The following ATP9B variants were observed in gnomAD, a reference collection of about 807,000 sequenced individuals.
ATP9B encodes the protein probable phospholipid-transporting ATPase IIB.
ATP9B carries 110 observed loss-of-function variants against 146.1 expected under a neutral mutation model. The ratio of observed to expected loss-of-function variants is 0.75; its 90% confidence interval spans 0.65 to 0.88. ATP9B has a LOEUF of 0.88. Ranked by LOEUF, ATP9B falls within the 40% of genes least tolerant of loss-of-function variation. The pLI, the probability that ATP9B is intolerant of heterozygous loss-of-function variation, is 0.00. For synonymous variants in ATP9B, 604 were observed against 569.7 expected (o/e 1.06, Z -0.86); for missense variants, 1,499 against 1,496.4 (o/e 1.00, Z -0.03).
At chr18:79,348,255 A>AGG (rs1568782050) in intron 25 of ATP9B, 59 bp downstream of exon 25, 5 of 1,011,186 alleles carry the variant, frequency 4.9e-6, no homozygotes, top group African/African-American at 3.4e-5. Flanking sequence ...TTTGAAAAAA[A>AGG]AAAAAAAAAA....
intron 12 of ATP9B, among the ~76,000 whole-genome samples, chr18:79,260,633 G>A (rs565994596): frequency 6.6e-6 from 1 of 152,338 alleles, no homozygotes; most frequent in Non-Finnish European, 1.5e-5. Context: ...AAGGAACAGA[G>A]ACAGGATGAG....
intron 15 of ATP9B, among the ~76,000 whole-genome samples, chr18:79,312,810 C>T (rs914480258): frequency 6.6e-6 from 1 of 152,182 alleles, no homozygotes; most frequent in Non-Finnish European, 1.5e-5. Context: ...CTTTTTGGTA[C>T]AATGTGAAAT....
intron 5 of ATP9B, among the ~76,000 whole-genome samples, chr18:79,128,440 G>A (rs1242981415): frequency 6.6e-6 from 1 of 152,138 alleles, no homozygotes; most frequent in Non-Finnish European, 1.5e-5. Flanking sequence ...ATGAATATCA[G>A]GTTGTCCTAG....
chr18:79,326,956 G>A (rs1175281180), intron 15 of ATP9B, among the ~76,000 whole-genome samples: 5 of 152,140 alleles, frequency 3.3e-5, no homozygotes, highest in Admixed American at 6.5e-5. Context: ...GCCTCGGCAC[G>A]GCCATTCTGT....
rs1373600086 is a variant in ATP9B at position 79,329,258 on chromosome 18, T to C, written c.1891T>C (p.Phe631Leu). ...QVLSFCILQL[F>L]PFTSESKRMG... is the part of the protein sequence containing the mutation. ...CCTCAGCTTCTGCATTCTGCAGCTG[T>C]TTCCCTTCACCTCCGAGAGCAAGCG... Residue 631 changes from phenylalanine to leucine, a missense_variant, in exon 16 of 30, where the codon TTT becomes CTT. Coordinates refer to ENST00000426216, the MANE Select transcript of ATP9B (RefSeq NM_198531.5). 1.2e-6 allele frequency: 2 copies of C among 1,612,192 alleles called. No homozygotes were observed. The highest frequency in any genetic ancestry group is 1.7e-6 in the Non-Finnish European group (2 of 1,179,340).
At chr18:79,165,721 A>C (rs1011474211) in intron 7 of ATP9B, among the ~76,000 whole-genome samples, 1 of 152,072 alleles carries the variant, frequency 6.6e-6, no homozygotes, top group Non-Finnish European at 1.5e-5. Context: ...CCATGCAGCC[A>C]AAAAGTCAGG....
At chr18:79,338,708 G>A (rs2096840784) in intron 19 of ATP9B, among the ~76,000 whole-genome samples, 1 of 152,174 alleles carries the variant, frequency 6.6e-6, no homozygotes, top group Non-Finnish European at 1.5e-5. Context: ...GGCACTTATG[G>A]TGTAAGTTTT....
intron 15 of ATP9B, among the ~76,000 whole-genome samples, chr18:79,312,105 C>T (rs2096655792): frequency 1.3e-5 from 2 of 152,068 alleles, no homozygotes; most frequent in African/African-American, 2.4e-5. Flanking sequence ...CACGCGCCTT[C>T]GCCGAGGTGC....
At chr18:79,154,392 T>G in intron 6 of ATP9B, 112 bp from the exon 7 acceptor site, 1 of 729,500 alleles carries the variant, frequency 1.4e-6, no homozygotes, top group Non-Finnish European at 2.3e-6. Context: ...TTCAGCACAA[T>G]TTTAATTATA....
chr18:79,329,148 T>G lies in ATP9B; in HGVS notation c.1781T>G (p.Leu594Arg). The change falls in exon 16 of 30, where the codon CTG becomes CGG. Residue 594 changes from leucine to arginine, a missense_variant. Leu to Arg is a moderately radical substitution (Grantham distance 102). Coordinates refer to ENST00000426216, the MANE Select transcript of ATP9B (RefSeq NM_198531.5). ...GTTGCTGGTCTCCCGTAGGTCGCTC[T>G]GGTGCAGTGGACAGAGAGTGTGGGC... The part of the protein sequence containing the change: ...YQASSPDEVA[L>R]VQWTESVGLT... 1 of 1,595,356 alleles carries G rather than the reference T, an allele frequency of 6.3e-7. No homozygotes were observed. The highest frequency in any genetic ancestry group is 1.1e-5 in the South Asian group (1 of 87,668).
chr18:79,231,778 G>GTATATATATATATATATA (rs781387419), intron 11 of ATP9B, among the ~76,000 whole-genome samples: 1 of 121,296 alleles, frequency 8.2e-6, no homozygotes, highest in African/African-American at 3.3e-5. Flanking sequence ...GTGTGTGTGT[G>GTATATATATATATATATA]TATATATATA....
At chr18:79,202,528 G>A (rs1381977027) in intron 9 of ATP9B, among the ~76,000 whole-genome samples, 1 of 152,146 alleles carries the variant, frequency 6.6e-6, no homozygotes, top group Non-Finnish European at 1.5e-5. Flanking sequence ...TGAGAGAACA[G>A]CATGAAATGG....
At chr18:79,084,516 T>C (rs2073616444) in intron 1 of ATP9B, among the ~76,000 whole-genome samples, 1 of 151,562 alleles carries the variant, frequency 6.6e-6, no homozygotes, top group Non-Finnish European at 1.5e-5. Flanking sequence ...GGGAAGTGTG[T>C]GCTATATAAT....
At position 79,164,688 on chromosome 18, in the gene ATP9B, C is replaced by T. The variant is rs145505832; in HGVS notation, c.778+10133C>T. 3.7e-3 allele frequency among the ~76,000 whole-genome samples: 569 copies of T among 152,242 alleles called. 3 individuals carry two copies. Among genetic ancestry groups the T allele is most frequent in the South Asian group, 0.024 (117 of 4,822 alleles). ...GAGCTGAGATCGCGCCACTGCACTC[C>T]AGGCTGGGTGACAGAGCGAGACTCC... On this transcript the variant is annotated intron_variant, in intron 7 of 29. Transcript: ENST00000426216.
At chr18:79,176,384 G>A (rs1405292905) in intron 7 of ATP9B, among the ~76,000 whole-genome samples, 1 of 152,176 alleles carries the variant, frequency 6.6e-6, no homozygotes, top group Non-Finnish European at 1.5e-5. Context: ...GTGCTTTTAT[G>A]ATTGAACATT....
intron 5 of ATP9B, among the ~76,000 whole-genome samples, chr18:79,142,606 A>C (rs1484637658): frequency 5.3e-5 from 8 of 152,214 alleles, no homozygotes; most frequent in Admixed American, 3.3e-4. Flanking sequence ...ATAGGAATTA[A>C]AGTGGACATT....
At chr18:79,275,831 A>AT (rs1165902705) in intron 12 of ATP9B, among the ~76,000 whole-genome samples, 1 of 152,238 alleles carries the variant, frequency 6.6e-6, no homozygotes, top group African/African-American at 2.4e-5. Flanking sequence ...TGGTTTAAAA[A>AT]GCTGTGTAAT....
intron 11 of ATP9B, among the ~76,000 whole-genome samples, chr18:79,241,196 T>A (rs986906680): frequency 1.3e-5 from 2 of 152,190 alleles, no homozygotes; most frequent in Non-Finnish European, 2.9e-5. Flanking sequence ...ATGCATTGAT[T>A]TTTTTGGTTG....
chr18:79,323,368 C>T (rs1470311704), intron 15 of ATP9B, among the ~76,000 whole-genome samples: 2 of 152,164 alleles, frequency 1.3e-5, no homozygotes, highest in East Asian at 1.9e-4. Flanking sequence ...TGCTACTGAG[C>T]GCTGGATCTT....
Sources: allele counts gnomAD v4.1 joint callset (sites outside exome capture counted in the v4.1 genomes callset), GRCh38; gene constraint gnomAD v4.1.1; transcripts MANE v1.5; gene names NCBI Gene and HGNC (gene_info 2026-07-23, HGNC 2026-07-21).